Variants in SLMAP observed in about 807,000 individuals in gnomAD.
SLMAP encodes the protein sarcolemma associated protein.
In SLMAP, 44 loss-of-function variants were observed where a neutral mutation model predicts 128.8. That is an observed-to-expected ratio of 0.34 (90% confidence interval 0.27 to 0.44). The LOEUF is 0.44. SLMAP is among the 20% of genes least tolerant of loss of function. The probability of loss-of-function intolerance (pLI) is 1.00; values close to 1 mark genes in which losing one functional copy is unlikely to be tolerated. For synonymous variants in SLMAP, 327 were observed against 348.8 expected (o/e 0.94, Z 0.70); for missense variants, 787 against 985.3 (o/e 0.80, Z 2.69).
intron 15 of SLMAP, among the ~76,000 whole-genome samples, chr3:57,894,668 A>G (rs1050130411): frequency 3.3e-5 from 5 of 152,248 alleles, no homozygotes; most frequent in Non-Finnish European, 7.3e-5. Flanking sequence ...AAGGAGCACC[A>G]TGGTGGAGAA....
chr3:57,757,622 G>C lies in SLMAP; in HGVS notation c.-30G>C. ...TCCGGAGGAACTCCTCTTTGTCCCT[G>C]GTAGGAGAGACACCCCCAGTCTATC... On this transcript the variant is annotated 5_prime_UTR_variant, in exon 2 of 25. Transcript: ENST00000671191. 6.2e-7 allele frequency: 1 copy of C among 1,609,336 alleles called. No homozygotes were observed. The highest frequency in any genetic ancestry group is 8.5e-7 in the Non-Finnish European group (1 of 1,176,684).
chr3:57,816,286 G>A (rs1471583283), intron 2 of SLMAP, among the ~76,000 whole-genome samples: 1 of 152,052 alleles, frequency 6.6e-6, no homozygotes, highest in African/African-American at 2.4e-5. Context: ...TGGGATTATA[G>A]GTGTGTGCCA....
intron 17 of SLMAP, among the ~76,000 whole-genome samples, chr3:57,904,186 A>G (rs1221716097): frequency 6.6e-6 from 1 of 152,184 alleles, no homozygotes; most frequent in Admixed American, 6.5e-5. Context: ...TTTGGTTAGT[A>G]TCTCCACTTC....
intron 5 of SLMAP, among the ~76,000 whole-genome samples, chr3:57,849,166 G>A (rs761054707): frequency 1.3e-5 from 2 of 152,166 alleles, no homozygotes; most frequent in Non-Finnish European, 2.9e-5. Context: ...TGGGATTACA[G>A]GCATGAGCCA....
At chr3:57,774,837 T>C (rs1385240162) in intron 2 of SLMAP, among the ~76,000 whole-genome samples, 3 of 152,072 alleles carry the variant, frequency 2.0e-5, no homozygotes, top group Admixed American at 6.5e-5. Flanking sequence ...AGACAATTAT[T>C]TTTAACATGG....
At chr3:57,870,215 AGTTTGAGTTTTTAAAGT>A (rs1253052123) in intron 13 of SLMAP, among the ~76,000 whole-genome samples, 1 of 152,124 alleles carries the variant, frequency 6.6e-6, no homozygotes, top group African/African-American at 2.4e-5. Flanking sequence ...ATGATGATGT[AGTTTGAGTTTTTAAAGT>A]GTTACCATAG....
intron 21 of SLMAP, among the ~76,000 whole-genome samples, chr3:57,913,829 G>A (rs1002876835): frequency 2.0e-5 from 3 of 152,020 alleles, no homozygotes; most frequent in African/African-American, 7.2e-5. Flanking sequence ...ATAGTGATGT[G>A]TGCTTGTAGT....
chr3:57,875,600 G>C (rs143860746), intron 14 of SLMAP, among the ~76,000 whole-genome samples: 2 of 152,336 alleles, frequency 1.3e-5, no homozygotes, highest in African/African-American at 4.8e-5. Context: ...AACAGAGAAA[G>C]TTTGGGCTAT....
chr3:57,912,548 C>A lies in SLMAP; in HGVS notation c.1867C>A (p.Gln623Lys). ...GCGGGACACTGACATTGCTTCTTTA[C>A]AAGAAGAGCTTAAGAAGGTGAGAGC... ...SERDTDIASL[Q>K]EELKKVRAEL... The change falls in exon 20 of 25, where the codon CAA becomes AAA. Residue 623 changes from glutamine (Q) to lysine (K), a missense_variant. Physicochemically the swap from Gln to Lys is moderately conservative, Grantham distance 53. This residue lies in a region of SLMAP where 715 missense variants were observed against 843.6 expected (regional missense o/e 0.85). Coordinates refer to ENST00000671191, the MANE Select transcript of SLMAP (RefSeq NM_001377540.1). 1 of 1,614,144 alleles carries A rather than the reference C, an allele frequency of 6.2e-7. No homozygotes were observed. The highest frequency in any genetic ancestry group is 1.3e-5 in the African/African-American group (1 of 75,048).
intron 2 of SLMAP, among the ~76,000 whole-genome samples, chr3:57,802,700 C>A (rs935805816): frequency 6.6e-6 from 1 of 152,186 alleles, no homozygotes; most frequent in Admixed American, 6.5e-5. Context: ...GTTGTAGAAT[C>A]TATCAATAGT....
intron 23 of SLMAP, among the ~76,000 whole-genome samples, chr3:57,924,454 C>T (rs147998129): frequency 0.017 from 2,538 of 151,548 alleles, 61 homozygotes; most frequent in African/African-American, 0.059. Flanking sequence ...CCGCAACATC[C>T]ACCTCCCGGG....
In SLMAP at chr3:57,927,284, C is replaced by T; in HGVS notation, c.*7-12C>T. 6.3e-7 allele frequency: 1 copy of T among 1,592,660 alleles called. No individual in the cohort carries two copies. The highest frequency in any genetic ancestry group is 8.6e-7 in the Non-Finnish European group (1 of 1,164,276). On this transcript the variant is annotated splice_polypyrimidine_tract_variant and intron_variant, in intron 24 of 24. Coordinates refer to ENST00000671191, the MANE Select transcript of SLMAP (RefSeq NM_001377540.1). ...AGAATGTGATATTGACTCTTGGTTT[C>T]TTTCCACACAGAAACCCTGGCCCTG...
intron 8 of SLMAP, among the ~76,000 whole-genome samples, chr3:57,859,330 A>G (rs971038369): frequency 6.6e-6 from 1 of 151,968 alleles, no homozygotes; most frequent in Non-Finnish European, 1.5e-5. Flanking sequence ...CAAAAAAAAA[A>G]AAAAAAAAAG....
At chr3:57,885,771 CTTTTTTTTTTTTTTTTTT>C (rs35541333) in intron 14 of SLMAP, among the ~76,000 whole-genome samples, 1,973 of 53,764 alleles carry the variant, frequency 0.037, 97 homozygotes, top group African/African-American at 0.15. Flanking sequence ...GTTTTTGGTT[CTTTTTTTTTTTTTTTTTT>C]TTTTTTTTTT....
intron 2 of SLMAP, among the ~76,000 whole-genome samples, chr3:57,769,626 A>G (rs996152661): frequency 3.3e-5 from 5 of 152,162 alleles, no homozygotes; most frequent in African/African-American, 2.4e-5. Context: ...CCTAGGCCCA[A>G]AAAGGAATGT....
At chr3:57,835,348 A>G (rs1387084007) in intron 3 of SLMAP, among the ~76,000 whole-genome samples, 5 of 151,808 alleles carry the variant, frequency 3.3e-5, no homozygotes, top group Non-Finnish European at 7.4e-5. Flanking sequence ...CAGCTACTCC[A>G]GAGGCTGAGG....
At chr3:57,856,330 G>A (rs987386985) in intron 6 of SLMAP, among the ~76,000 whole-genome samples, 1 of 152,040 alleles carries the variant, frequency 6.6e-6, no homozygotes, top group Admixed American at 6.5e-5. Flanking sequence ...TTTGACTCTT[G>A]TATTCACACT....
chr3:57,849,117 G>A (rs1353949082), intron 5 of SLMAP, among the ~76,000 whole-genome samples: 1 of 150,548 alleles, frequency 6.6e-6, no homozygotes, highest in African/African-American at 2.4e-5. Context: ...TCGAACTCCT[G>A]GCCTCAGGTG....
chr3:57,843,588 G>A (rs2094070558), intron 4 of SLMAP, among the ~76,000 whole-genome samples: 1 of 151,466 alleles, frequency 6.6e-6, no homozygotes, highest in Non-Finnish European at 1.5e-5. Context: ...TTATAGGCCT[G>A]AGCCACCACG....
Sources: gnomAD v4.1 joint callset for allele counts (sites outside exome capture counted in the v4.1 genomes callset) on GRCh38, gnomAD v4.1.1 for gene constraint, gnomAD v4.1.1 regional missense constraint, MANE v1.5 for transcripts, NCBI Gene and HGNC (gene_info 2026-07-23, HGNC 2026-07-21) for gene names.